Variants in ALPK1 observed in about 807,000 individuals in gnomAD.
The protein encoded by ALPK1 is alpha-protein kinase 1.
Under a neutral mutation model 120.6 loss-of-function variants are expected in ALPK1, and 110 were observed. The observed-to-expected ratio is 0.91, with a 90% CI of 0.78 to 1.07. The LOEUF is 1.07. Ranked by LOEUF, ALPK1 falls within the 50% of genes least tolerant of loss-of-function variation. ALPK1 has a pLI of 0.00. For missense variants in ALPK1, 1,498 were observed against 1,483.9 expected (o/e 1.01, Z -0.16); for synonymous variants, 582 against 560.3 (o/e 1.04, Z -0.55).
rs770080941 is a variant in ALPK1, at chr4:112,431,834, A to G, written c.2287A>G (p.Lys763Glu). ...TNCDVKDRQG[K>E]EQGEEISERG... ...CTGCGATGTCAAAGACAGGCAGGGG[A>G]AAGAGCAGGGAGAAGAAATTAGTGA... Residue 763 changes from lysine (K) to glutamate (E), a missense_variant, in exon 11 of 16, where the codon AAA becomes GAA. By Grantham distance (56) the Lys-to-Glu change is moderately conservative (BLOSUM62 1). Coordinates refer to ENST00000650871, the MANE Select transcript of ALPK1 (RefSeq NM_025144.4). 6.2e-7 allele frequency: 1 copy of G among 1,614,132 alleles called. No homozygotes were observed. Among genetic ancestry groups the G allele is most frequent in the South Asian group, 1.1e-5 (1 of 91,086 alleles).
chr4:112,377,999 T>C, intron 3 of ALPK1, 101 bp downstream of exon 3: 2 of 1,289,086 alleles, frequency 1.6e-6, no homozygotes, highest in Non-Finnish European at 2.0e-6. Flanking sequence ...TTTTCTTCTC[T>C]TGGCAGATGA....
chr4:112,342,798 G>C (rs1729915703), intron 2 of ALPK1, among the ~76,000 whole-genome samples: 1 of 152,194 alleles, frequency 6.6e-6, no homozygotes, highest in South Asian at 2.1e-4. Flanking sequence ...GAGAAAGTGA[G>C]ACACAAAGAC....
chr4:112,310,812 A>T (rs1728368756), intron 1 of ALPK1, among the ~76,000 whole-genome samples: 1 of 152,112 alleles, frequency 6.6e-6, no homozygotes, highest in Non-Finnish European at 1.5e-5. Flanking sequence ...GCAATGCTTG[A>T]TAAAAACAAA....
chr4:112,307,360 C>T (rs533874595), intron 1 of ALPK1, among the ~76,000 whole-genome samples: 1 of 152,180 alleles, frequency 6.6e-6, no homozygotes, highest in African/African-American at 2.4e-5. Context: ...GTGTTAAACT[C>T]TCCCGTTATT....
At chr4:112,316,815 T>G (rs1419680031) in intron 2 of ALPK1, among the ~76,000 whole-genome samples, 2 of 151,652 alleles carry the variant, frequency 1.3e-5, no homozygotes, top group Non-Finnish European at 2.9e-5. Flanking sequence ...TTTTTCAAGC[T>G]TTGTCTGCTT....
rs1734413934 is a variant in ALPK1 at position 112,429,224 on chromosome 4, T to A, written c.871T>A (p.Tyr291Asn). Reference sequence around the variant, plus strand: ...CAAGCTGGCAGCTGCCTTCAGTGCCTATACGCCGCTCTTCGTGCTCACAGC... The same window carrying A: ...CAAGCTGGCAGCTGCCTTCAGTGCCAATACGCCGCTCTTCGTGCTCACAGC... ...ACKLAAAFSA[Y>N]TPLFVLTAVN... Residue 291 changes from tyrosine to asparagine, a missense_variant, in exon 10 of 16, where the codon TAT (tyrosine) becomes AAT (asparagine). By Grantham distance (143) the Tyr-to-Asn change is moderately radical (BLOSUM62 -2). Transcript: ENST00000650871. The A allele has an allele frequency of 6.2e-7, 1 of 1,612,838 alleles. No individual in the cohort carries two copies. The highest frequency in any genetic ancestry group is 1.3e-5 in the African/African-American group (1 of 74,938).
At chr4:112,357,246 TC>T in intron 2 of ALPK1, 1 of 1,459,456 alleles carries the variant, frequency 6.9e-7, no homozygotes, top group Non-Finnish European at 9.4e-7. Flanking sequence ...GACCAGATCA[TC>T]CAGCATCTGG....
intron 2 of ALPK1, among the ~76,000 whole-genome samples, chr4:112,374,377 C>T (rs1731557914): frequency 6.6e-6 from 1 of 152,196 alleles, no homozygotes; most frequent in African/African-American, 2.4e-5. Flanking sequence ...AGTTCTCTTG[C>T]TATTTCCACC....
chr4:112,431,335 G>T lies in ALPK1; in HGVS notation c.1788G>T (p.Glu596Asp). 6.2e-7 allele frequency: 1 copy of T among 1,614,190 alleles called. No individual in the cohort carries two copies. Among genetic ancestry groups the T allele is most frequent in the South Asian group, 1.1e-5 (1 of 91,082 alleles). Residue 596 changes from glutamate to aspartate, a missense_variant, in exon 11 of 16, where the codon GAG (glutamate) becomes GAT (aspartate). Glu to Asp is a conservative substitution (Grantham distance 45, BLOSUM62 2). Transcript: ENST00000650871. Reference sequence around the variant, plus strand: ...GGTTTAGTTCCTCTGCAAGCTGGGAGGAAGTGAATTATCACGTTGACGACA... The same window carrying T: ...GGTTTAGTTCCTCTGCAAGCTGGGATGAAGTGAATTATCACGTTGACGACA... ...LSGFSSSASW[E>D]EVNYHVDDRS...
intron 2 of ALPK1, among the ~76,000 whole-genome samples, chr4:112,363,874 G>A (rs1305813379): frequency 1.3e-5 from 2 of 152,150 alleles, no homozygotes; most frequent in Non-Finnish European, 2.9e-5. Flanking sequence ...TCAGGCTGCA[G>A]TGGAATAAAA....
Position 112,358,787 on chromosome 4 carries a change from G to A in ALPK1, c.-100-18891G>A, listed in dbSNP as rs1044596749. 10 of 827,490 alleles carry A rather than the reference G, an allele frequency of 1.2e-5. No individual in the cohort carries two copies. In the African/African-American group the frequency reaches 1.7e-4, roughly 14 times the overall value. 51.3% of individuals were successfully genotyped at this position (827,490 alleles called of 1,614,324 possible). ...AGATGAACACGGCCAAGCTCTTCAT[G>A]GTGGCCATGAAGTAGGAGCTGAGCC... On this transcript the variant is annotated intron_variant, in intron 2 of 15. Transcript: ENST00000650871.
At chr4:112,393,491 G>A (rs753540138) in intron 4 of ALPK1, among the ~76,000 whole-genome samples, 1 of 152,214 alleles carries the variant, frequency 6.6e-6, no homozygotes, top group Non-Finnish European at 1.5e-5. Context: ...AAATTTGGGT[G>A]AACATTTTCA....
At chr4:112,420,830 A>G (rs1372482606) in intron 5 of ALPK1, among the ~76,000 whole-genome samples, 1 of 145,264 alleles carries the variant, frequency 6.9e-6, no homozygotes, top group Non-Finnish European at 1.5e-5. Context: ...ACTCATACAT[A>G]CATAGAGAGA....
intron 4 of ALPK1, among the ~76,000 whole-genome samples, chr4:112,402,055 T>C (rs1331505784): frequency 6.6e-6 from 1 of 152,224 alleles, no homozygotes; most frequent in Non-Finnish European, 1.5e-5. Context: ...TGTACCACTT[T>C]CACTCTGCTT....
intron 2 of ALPK1, chr4:112,357,837 G>A: frequency 9.6e-7 from 1 of 1,041,118 alleles, no homozygotes; most frequent in Non-Finnish European, 1.5e-6. Flanking sequence ...TGGAGTTCTG[G>A]CAGGCCCACT....
intron 1 of ALPK1, among the ~76,000 whole-genome samples, chr4:112,304,998 A>C (rs1025299562): frequency 8.5e-5 from 13 of 152,232 alleles, no homozygotes; most frequent in East Asian, 3.9e-4. Context: ...ACCATTTATT[A>C]AATAGGGACT....
At chr4:112,327,817 CAT>C (rs1023363958) in intron 2 of ALPK1, among the ~76,000 whole-genome samples, 4 of 152,164 alleles carry the variant, frequency 2.6e-5, no homozygotes, top group African/African-American at 9.7e-5. Flanking sequence ...GGCACTAAAA[CAT>C]ATACTTAATA....
chr4:112,367,972 G>C (rs1179365599), intron 2 of ALPK1, among the ~76,000 whole-genome samples: 3 of 152,102 alleles, frequency 2.0e-5, no homozygotes, highest in African/African-American at 7.2e-5. Context: ...CATGATGTTG[G>C]CTCACTCCAA....
At chr4:112,414,184 G>A (rs1560677193) in intron 5 of ALPK1, 2 of 446,054 alleles carry the variant, frequency 4.5e-6, no homozygotes, top group Non-Finnish European at 9.2e-6. Context: ...AAGAGGTAAG[G>A]AAGAAAAACA....
Sources: allele counts gnomAD v4.1 joint callset (sites outside exome capture counted in the v4.1 genomes callset), GRCh38; gene constraint gnomAD v4.1.1; transcripts MANE v1.5; gene names NCBI Gene and HGNC (gene_info 2026-07-23, HGNC 2026-07-21).